Variants in CYLD observed in about 807,000 individuals in gnomAD.
CYLD encodes the protein CYLD lysine 63 deubiquitinase, also known as ubiquitin carboxyl-terminal hydrolase CYLD.
A neutral mutation model predicts 104.5 loss-of-function variants in CYLD; 26 were observed. The observed-to-expected ratio is 0.25, with a 90% CI of 0.18 to 0.35. The LOEUF (loss-of-function observed/expected upper bound fraction) is 0.35. Ranked by LOEUF, CYLD falls within the 10% of genes least tolerant of loss-of-function variation. The pLI is 1.00. For missense variants in CYLD, 703 were observed against 1,136.1 expected (o/e 0.62, Z 5.48); for synonymous variants, 385 against 399.9 (o/e 0.96, Z 0.45).
chr16:50,777,999 A>C, intron 8 of CYLD, 58 bp downstream of exon 8: 1 of 1,039,914 alleles, frequency 9.6e-7, no homozygotes, highest in South Asian at 1.3e-5. Flanking sequence ...TCATCAGAGA[A>C]AAATGGTTTT....
At chr16:50,746,061 A>G (rs1966167838) in intron 2 of CYLD, among the ~76,000 whole-genome samples, 1 of 152,058 alleles carries the variant, frequency 6.6e-6, no homozygotes, top group African/African-American at 2.4e-5. Context: ...AGTGTGTGAC[A>G]GGGTCTTGCT....
chr16:50,780,047 A>C lies in CYLD; in HGVS notation c.1518+3A>C. On this transcript the variant is annotated splice_donor_region_variant and intron_variant, in intron 9 of 18. Transcript: ENST00000427738. ...AAGTGCTCGCTGGACTGGAACTGGT[A>C]ATTTAACTTGACCCAAAAATTTCAA... The C allele has an allele frequency of 6.2e-7, 1 of 1,613,956 alleles. No homozygotes were observed. The highest frequency in any genetic ancestry group is 8.5e-7 in the Non-Finnish European group (1 of 1,179,956).
At chr16:50,755,142 CATATGT>C (rs1967019247) in intron 5 of CYLD, among the ~76,000 whole-genome samples, 1 of 42,366 alleles carries the variant, frequency 2.4e-5, no homozygotes, top group Non-Finnish European at 4.8e-5. Context: ...CACACGTGTA[CATATGT>C]GTGTATATAC....
At position 50,794,767 on chromosome 16, in the gene CYLD, TATGCCACC is replaced by T. The variant is rs1971826522; in HGVS notation, c.2686+345_2686+352del. ...TCCTGAGTAGCTGGGACTACACGCA[TATGCCACC>T]ATGCCTGGCTAATTTTTGTATTTTT... On this transcript the variant is annotated intron_variant, in intron 18 of 18. Coordinates refer to ENST00000427738, the MANE Select transcript of CYLD (RefSeq NM_001378743.1). This position sits in a 1 kb window ranked among gnomAD's most constrained non-coding sequence, Gnocchi z 4.1. 2.8e-6 allele frequency: 1 copy of T among 359,352 alleles called. No homozygotes were observed. The highest frequency in any genetic ancestry group is 2.1e-5 in the African/African-American group (1 of 47,228). The allele number at this position is 359,352 out of a possible 1,614,324, so 22.3% of individuals were successfully genotyped here.
At chr16:50,758,788 T>C (rs1967568143) in intron 5 of CYLD, among the ~76,000 whole-genome samples, 1 of 152,116 alleles carries the variant, frequency 6.6e-6, no homozygotes, top group African/African-American at 2.4e-5. Context: ...AGGAAGAGCA[T>C]GCGTCGGGGA....
intron 5 of CYLD, among the ~76,000 whole-genome samples, chr16:50,758,853 A>G (rs969660932): frequency 2.6e-5 from 4 of 152,226 alleles, no homozygotes; most frequent in African/African-American, 4.8e-5. Context: ...TGAGTTAGCT[A>G]TTAAACAATT....
intron 5 of CYLD, among the ~76,000 whole-genome samples, chr16:50,770,560 C>A (rs539515731): frequency 8.2e-4 from 125 of 151,724 alleles, no homozygotes; most frequent in African/African-American, 2.9e-3. Context: ...AAGTGATTCT[C>A]CTGCCTCAGC....
At chr16:50,781,562 A>C (rs900269987) in intron 10 of CYLD, 151 bp downstream of exon 10, 11 of 1,027,540 alleles carry the variant, frequency 1.1e-5, no homozygotes, top group Non-Finnish European at 1.6e-5. Context: ...TGCATGGTGT[A>C]TAAGAAAGTT....
chr16:50,770,429 T>C (rs949002385), intron 5 of CYLD, among the ~76,000 whole-genome samples: 1 of 152,000 alleles, frequency 6.6e-6, no homozygotes, highest in Admixed American at 6.6e-5. Flanking sequence ...CACTGTCATC[T>C]GTATATATTC....
intron 12 of CYLD, 93 bp downstream of exon 12, chr16:50,784,544 A>C (rs1325478344): frequency 7.6e-7 from 1 of 1,316,950 alleles, no homozygotes; most frequent in Non-Finnish European, 1.1e-6. Context: ...GTCTTCATGT[A>C]ATAAGAGATG....
chr16:50,759,526 T>A (rs560716026), intron 5 of CYLD, among the ~76,000 whole-genome samples: 1 of 152,368 alleles, frequency 6.6e-6, no homozygotes, highest in African/African-American at 2.4e-5. Flanking sequence ...TTGAACTTAA[T>A]GTAGTTAAAA....
chr16:50,761,946 T>A (rs1967990055), intron 5 of CYLD, among the ~76,000 whole-genome samples: 1 of 152,236 alleles, frequency 6.6e-6, no homozygotes, highest in African/African-American at 2.4e-5. Flanking sequence ...AATTTCCACG[T>A]GTAGCGTGGT....
rs754313539 is a variant in CYLD at position 50,749,797 on chromosome 16, A to G, written c.99A>G (p.Lys33=). ...LLLQECSVTD[K]QTQKLLKVPK... is the part of the protein sequence containing the mutation. ...TTCAAGAATGCAGCGTTACAGACAA[A>G]CAAACACAAAAGCTCCTTAAAGTAC... The change falls in exon 3 of 19, where the codon AAA becomes AAG. Residue 33 remains lysine, a synonymous_variant. Coordinates refer to ENST00000427738, the MANE Select transcript of CYLD (RefSeq NM_001378743.1). The G allele has an allele frequency of 7.4e-6, 12 of 1,613,900 alleles. No individual in the cohort carries two copies. In the Admixed American group the frequency reaches 1.5e-4, roughly 20 times the overall value.
intron 8 of CYLD, among the ~76,000 whole-genome samples, chr16:50,778,920 T>A (rs1969947137): frequency 6.6e-6 from 1 of 152,236 alleles, no homozygotes; most frequent in African/African-American, 2.4e-5. Context: ...TTGTCATTGA[T>A]CTGCAATACC....
chr16:50,796,484 T>C lies in CYLD; in HGVS notation c.2847T>C (p.Ser949=), dbSNP rs749357201. Residue 949 remains serine (S), a synonymous_variant, in exon 19 of 19, where the codon AGT becomes AGC. Coordinates refer to ENST00000427738, the MANE Select transcript of CYLD (RefSeq NM_001378743.1). Reference sequence around the variant, plus strand: ...ATGCATATATGTGCATGTACCAGAGTCCAACAATGAGTTTGTACAAATAAC... The same window carrying C: ...ATGCATATATGTGCATGTACCAGAGCCCAACAATGAGTTTGTACAAATAAC... ...LCDAYMCMYQ[S]PTMSLYK 10 of 1,613,440 alleles carry C rather than the reference T, an allele frequency of 6.2e-6. No individual in the cohort carries two copies. In the African/African-American group the frequency reaches 1.3e-4, roughly 22 times the overall value.
chr16:50,791,443 T>G (rs1041696216), intron 14 of CYLD, 115 bp from the exon 15 acceptor site: 9 of 1,044,076 alleles, frequency 8.6e-6, no homozygotes, highest in African/African-American at 1.6e-5. Flanking sequence ...TATCCAAAGC[T>G]ACACCATCAA....
At chr16:50,755,094 CAT>C (rs2150919955) in intron 5 of CYLD, among the ~76,000 whole-genome samples, 6 of 117,158 alleles carry the variant, frequency 5.1e-5, no homozygotes, top group South Asian at 5.3e-4. Flanking sequence ...CACATATATA[CAT>C]ACATATATAC....
Position 50,798,209 on chromosome 16 carries a change from T to C in CYLD, c.*1701T>C. 1 of 232,276 alleles carries C rather than the reference T, an allele frequency of 4.3e-6. No individual in the cohort carries two copies. The highest frequency in any genetic ancestry group is 8.5e-6 in the Non-Finnish European group (1 of 117,380). The allele number at this position is 232,276 out of a possible 1,614,324, so 14.4% of individuals were successfully genotyped here. A position where few individuals can be genotyped will look rare whatever the true frequency, so the allele number is the denominator to read the frequency against. On this transcript the variant is annotated 3_prime_UTR_variant, in exon 19 of 19. Coordinates refer to ENST00000427738, the MANE Select transcript of CYLD (RefSeq NM_001378743.1). ...GCTTGTCAATGTGATTTTAAAAAAT[T>C]GACTACCTGGAGGAATGATTAGGAA...
rs1972193539 is a variant in CYLD, at chr16:50,798,133, G to A, written c.*1625G>A. On this transcript the variant is annotated 3_prime_UTR_variant, in exon 19 of 19. Coordinates refer to ENST00000427738, the MANE Select transcript of CYLD (RefSeq NM_001378743.1). Reference sequence around the variant, plus strand: ...CTTTTCTAGCTCTGACAGCCTAGAAGTCCAATCACCCTGTAATAAATATGT... The same window carrying A: ...CTTTTCTAGCTCTGACAGCCTAGAAATCCAATCACCCTGTAATAAATATGT... 4 of 231,424 alleles carry A rather than the reference G, an allele frequency of 1.7e-5. No homozygotes were observed. Among genetic ancestry groups the A allele is most frequent in the Middle Eastern group, 1.3e-3 (1 of 770 alleles). 14.3% of individuals were successfully genotyped at this position (231,424 alleles called of 1,614,324 possible). A position where few individuals can be genotyped will look rare whatever the true frequency, so the allele number is the denominator to read the frequency against.
Sources: allele counts gnomAD v4.1 joint callset (sites outside exome capture counted in the v4.1 genomes callset), GRCh38; gene constraint gnomAD v4.1.1; non-coding constraint Gnocchi (gnomAD v3.1); transcripts MANE v1.5; gene names NCBI Gene and HGNC (gene_info 2026-07-23, HGNC 2026-07-21).